The following CEP57L1 variants were observed in gnomAD, a reference collection of about 807,000 sequenced individuals.
The protein encoded by CEP57L1 is centrosomal protein 57 like 1, also known as centrosomal protein CEP57L1.
Under a neutral mutation model 61.0 loss-of-function variants are expected in CEP57L1, and 37 were observed. The ratio of observed to expected loss-of-function variants is 0.61; its 90% CI spans 0.47 to 0.80. The LOEUF (loss-of-function observed/expected upper bound fraction) is 0.80, where lower values mean the gene tolerates loss of function less well. Among genes scored for constraint, CEP57L1 ranks in the 30% least tolerant of loss-of-function variants. The probability of loss-of-function intolerance (pLI) is 0.00; values close to 1 mark genes in which losing one functional copy is unlikely to be tolerated. For missense variants in CEP57L1, 422 were observed against 524.7 expected (o/e 0.80, Z 1.91); for synonymous variants, 137 against 162.3 (o/e 0.84, Z 1.19).
intron 1 of CEP57L1, among the ~76,000 whole-genome samples, chr6:109,109,042 T>G (rs1199703678): frequency 2.0e-5 from 3 of 152,226 alleles, no homozygotes; most frequent in African/African-American, 7.2e-5. Flanking sequence ...AAATACAAAT[T>G]TCTAACAAGG....
Position 109,097,168 on chromosome 6 carries a change from A to G in CEP57L1, c.-4+1593A>G, listed in dbSNP as rs191842557. On this transcript the variant is annotated intron_variant, in intron 1 of 10. Coordinates refer to ENST00000517392, the MANE Select transcript of CEP57L1 (RefSeq NM_001271852.3). ...ATTTCTTCTTGCCCTTCATACTTCT[A>G]TGGCCAAATTATTATGAAGTTCTGC... Among the ~76,000 whole-genome samples the G allele has an allele frequency of 3.5e-3, 539 of 152,264 alleles. 1 individual carries two copies. The highest frequency in any genetic ancestry group is 0.017 in the South Asian group (82 of 4,820).
In CEP57L1 at chr6:109,162,813, A is replaced by G; in HGVS notation, c.1226A>G (p.Glu409Gly). 2 of 1,613,460 alleles carry G rather than the reference A, an allele frequency of 1.2e-6. No individual in the cohort carries two copies. The highest frequency in any genetic ancestry group is 1.7e-6 in the Non-Finnish European group (2 of 1,179,588). Residue 409 changes from glutamate to glycine, a missense_variant, in exon 11 of 11, where the codon GAA becomes GGA. By Grantham distance (98) the Glu-to-Gly change is moderately conservative. Coordinates refer to ENST00000517392, the MANE Select transcript of CEP57L1 (RefSeq NM_001271852.3). ...AGTGAAGCTTCAGGTATTCAGCAAGAAGACAGCTACCCTAAAGGATCAAAG... is the reference window on the plus strand; with the variant it reads ...AGTGAAGCTTCAGGTATTCAGCAAGGAGACAGCTACCCTAAAGGATCAAAG... ...KMSEASGIQQ[E>G]DSYPKGSKNI...
chr6:109,097,909 G>A (rs1301809488), intron 1 of CEP57L1, among the ~76,000 whole-genome samples: 2 of 152,228 alleles, frequency 1.3e-5, no homozygotes, highest in South Asian at 2.1e-4. Flanking sequence ...TTGGGCAGAA[G>A]CCTGAGTGCG....
In CEP57L1 at chr6:109,163,518, A is replaced by G. The variant is rs1049049484; in HGVS notation, c.*548A>G. 1.3e-5 allele frequency: 2 copies of G among 152,206 alleles called. No individual in the cohort carries two copies. Among genetic ancestry groups the G allele is most frequent in the Non-Finnish European group, 2.9e-5 (2 of 68,014 alleles). The allele number at this position is 152,206 out of a possible 1,614,324, so 9.4% of individuals were successfully genotyped here. On this transcript the variant is annotated 3_prime_UTR_variant, in exon 11 of 11. Transcript: ENST00000517392. ...AAGTTTTATGAGACAGTAGGAACCT[A>G]TAGCTACTTAATTTTTAGGAGACAG...
In CEP57L1 at chr6:109,095,564, AGCGTC is replaced by A. The variant is rs1416194525; in HGVS notation, c.-14_-10del. Reference sequence around the variant, plus strand: ...TTAGCGGTGGCAGGGGCTGACTGAGAGCGTCTGCTTGGTAAGCACTGTAAGCTGGG... The same window carrying A: ...TTAGCGGTGGCAGGGGCTGACTGAGATGCTTGGTAAGCACTGTAAGCTGGG... On this transcript the variant is annotated 5_prime_UTR_variant, in exon 1 of 11. It adds an upstream start codon to the 5' untranslated region. Coordinates refer to ENST00000517392, the MANE Select transcript of CEP57L1 (RefSeq NM_001271852.3). 4 of 985,726 alleles carry A rather than the reference AGCGTC, an allele frequency of 4.1e-6. No homozygotes were observed. The highest frequency in any genetic ancestry group is 4.8e-6 in the Non-Finnish European group (4 of 829,942). The allele number at this position is 985,726 out of a possible 1,614,324, so 61.1% of individuals were successfully genotyped here.
chr6:109,141,544 G>A (rs932982334), intron 1 of CEP57L1, among the ~76,000 whole-genome samples: 1 of 151,988 alleles, frequency 6.6e-6, no homozygotes, highest in Non-Finnish European at 1.5e-5. Context: ...TCCCATTGAA[G>A]TATTTATGTT....
chr6:109,121,380 G>A (rs868820029), intron 1 of CEP57L1, among the ~76,000 whole-genome samples: 1 of 152,134 alleles, frequency 6.6e-6, no homozygotes, highest in Non-Finnish European at 1.5e-5. Context: ...GGAAATGTAT[G>A]TTTGAATTAA....
intron 4 of CEP57L1, among the ~76,000 whole-genome samples, chr6:109,153,273 A>G (rs956869719): frequency 2.6e-5 from 3 of 113,210 alleles, no homozygotes; most frequent in African/African-American, 7.2e-5. Flanking sequence ...ACAAGGTCTC[A>G]CTCTGTTGCC....
intron 1 of CEP57L1, among the ~76,000 whole-genome samples, chr6:109,122,050 G>T (rs938777509): frequency 8.5e-5 from 13 of 152,168 alleles, no homozygotes; most frequent in Non-Finnish European, 1.8e-4. Flanking sequence ...ATAAGGAAAT[G>T]TTTTGTAATC....
intron 1 of CEP57L1, among the ~76,000 whole-genome samples, chr6:109,125,737 C>T (rs568888654): frequency 7.0e-4 from 105 of 150,660 alleles, no homozygotes; most frequent in Middle Eastern, 6.8e-3. Flanking sequence ...GATTGATAGA[C>T]GGGTGGATAG....
rs1203064022 is a variant in CEP57L1 at position 109,145,510 on chromosome 6, A to G, written c.160+129A>G. ...TCCTAACTTTGATTCTGTTGCTAAAAGTTTCTATGAACTTAGACAAATTAC... is the reference window on the plus strand; with the variant it reads ...TCCTAACTTTGATTCTGTTGCTAAAGGTTTCTATGAACTTAGACAAATTAC... On this transcript the variant is annotated intron_variant, in intron 2 of 10. Coordinates refer to ENST00000517392, the MANE Select transcript of CEP57L1 (RefSeq NM_001271852.3). The G allele has an allele frequency of 4.8e-6, 3 of 626,104 alleles. No homozygotes were observed. The African/African-American group carries it at 5.6e-5, about 12-fold the overall frequency. The allele number at this position is 626,104 out of a possible 1,614,324, so 38.8% of individuals were successfully genotyped here.
chr6:109,128,537 G>A (rs971278908), intron 1 of CEP57L1, among the ~76,000 whole-genome samples: 5 of 152,062 alleles, frequency 3.3e-5, no homozygotes, highest in African/African-American at 9.7e-5. Context: ...CCTTAAAGCC[G>A]TCTGAATGAA....
chr6:109,159,135 A>T (rs756451860), intron 8 of CEP57L1, 33 bp downstream of exon 8: 1 of 1,613,902 alleles, frequency 6.2e-7, no homozygotes, highest in South Asian at 1.1e-5. Context: ...TAGTCGTTCA[A>T]AAAAACTCCT....
chr6:109,131,681 C>T (rs1219504567), intron 1 of CEP57L1, among the ~76,000 whole-genome samples: 5 of 148,432 alleles, frequency 3.4e-5, no homozygotes, highest in Non-Finnish European at 7.4e-5. Flanking sequence ...GGATAAAATA[C>T]TTAAAAAAAA....
intron 10 of CEP57L1, among the ~76,000 whole-genome samples, chr6:109,161,447 A>G (rs1228703097): frequency 6.6e-6 from 1 of 152,128 alleles, no homozygotes; most frequent in Non-Finnish European, 1.5e-5. Flanking sequence ...CCATCTGGCT[A>G]TGGACAAAAT....
chr6:109,153,529 A>G (rs1183664668), intron 4 of CEP57L1, among the ~76,000 whole-genome samples: 1 of 151,730 alleles, frequency 6.6e-6, no homozygotes, highest in African/African-American at 2.4e-5. Context: ...TACAAGTATG[A>G]GCCACCACGC....
chr6:109,129,304 A>G (rs1380971535), intron 1 of CEP57L1: 7 of 1,048,136 alleles, frequency 6.7e-6, no homozygotes, highest in Non-Finnish European at 8.4e-6. Context: ...TATTTCCTAG[A>G]AAATGGATCC....
intron 1 of CEP57L1, among the ~76,000 whole-genome samples, chr6:109,135,843 T>C (rs185453600): frequency 1.9e-3 from 283 of 152,222 alleles, no homozygotes; most frequent in African/African-American, 6.5e-3. Context: ...ATCAGAGAAA[T>C]GCAAATCAAA....
chr6:109,150,167 G>C lies in CEP57L1; in HGVS notation c.390G>C (p.Glu130Asp), dbSNP rs1337521993. 1 of 1,609,432 alleles carries C rather than the reference G, an allele frequency of 6.2e-7. No homozygotes were observed. The part of the protein sequence containing the change: ...SSAQSRCTLL[E>D]KQLEYTKRMV... ...CCCAGTCTCGTTGTACTCTTCTAGA[G>C]AAGCAACTAGAATATACAAAGAGAA... is the stretch of plus-strand genomic sequence containing the variant. Residue 130 changes from glutamate (E) to aspartate (D), a missense_variant, in exon 4 of 11, where the codon GAG (glutamate) becomes GAC (aspartate). By Grantham distance (45) the Glu-to-Asp change is conservative. Coordinates refer to ENST00000517392, the MANE Select transcript of CEP57L1 (RefSeq NM_001271852.3).
Sources: gnomAD v4.1 joint callset for allele counts (sites outside exome capture counted in the v4.1 genomes callset) on GRCh38, gnomAD v4.1.1 for gene constraint, MANE v1.5 for transcripts, NCBI Gene and HGNC (gene_info 2026-07-23, HGNC 2026-07-21) for gene names.